LRRC37A2: variants seen among roughly 807,000 people sequenced by gnomAD.
The protein encoded by LRRC37A2 is leucine rich repeat containing 37 member A2.
A neutral mutation model predicts 68.8 loss-of-function variants in LRRC37A2; 9 were observed. That is an observed-to-expected ratio of 0.13 (90% CI 0.08 to 0.23). The LOEUF is 0.23. Among genes scored for constraint, LRRC37A2 ranks in the 10% least tolerant of loss-of-function variants. LRRC37A2 has a pLI of 1.00. For synonymous variants in LRRC37A2, 63 were observed against 367.6 expected, an observed-to-expected ratio of 0.17 and a Z score of 9.48; for missense variants, 168 against 950.4, an observed-to-expected ratio of 0.18 and a Z score of 10.82.
At chr17:46,905,813 TGC>T in the LRRC37A2 span, among the ~76,000 whole-genome samples, 10,882 of 46,448 alleles carry the variant, frequency 0.23, 901 homozygotes, top group African/African-American at 0.34. Context: ...TGTGTGTGTG[TGC>T]GTTTGTTGGG....
the LRRC37A2 span, among the ~76,000 whole-genome samples, chr17:46,897,333 T>G: frequency 6.6e-6 from 1 of 152,176 alleles, no homozygotes; most frequent in African/African-American, 2.4e-5. Flanking sequence ...CTGTCTCCAA[T>G]AGTCATTAGC....
At chr17:46,852,850 G>T in the LRRC37A2 span, among the ~76,000 whole-genome samples, 4 of 152,262 alleles carry the variant, frequency 2.6e-5, no homozygotes, top group Admixed American at 1.3e-4. Context: ...AAAGGTCTGA[G>T]AAGTTCTGCA....
chr17:46,902,374 C>T, the LRRC37A2 span, among the ~76,000 whole-genome samples: 10 of 152,084 alleles, frequency 6.6e-5, no homozygotes, highest in African/African-American at 1.4e-4. Context: ...GTCTGTGATG[C>T]GGAGGGTGCA....
At chr17:47,018,156 C>A in the LRRC37A2 span, 1 of 1,591,482 alleles carries the variant, frequency 6.3e-7, no homozygotes, top group Non-Finnish European at 8.6e-7. Flanking sequence ...TTCCCAAACC[C>A]AGCAGGAGAC....
chr17:47,017,207 G>A, the LRRC37A2 span: 1 of 1,611,926 alleles, frequency 6.2e-7, no homozygotes, highest in Non-Finnish European at 8.5e-7. Context: ...CTTCCGCTCA[G>A]TGCCCGGCAC....
At chr17:47,044,633 G>A in the LRRC37A2 span, among the ~76,000 whole-genome samples, 1 of 143,980 alleles carries the variant, frequency 6.9e-6, no homozygotes, top group Non-Finnish European at 1.5e-5. Context: ...TTATACAGGT[G>A]TTCATTATAC....
chr17:46,741,618 C>T, the LRRC37A2 span, among the ~76,000 whole-genome samples: 1 of 151,974 alleles, frequency 6.6e-6, no homozygotes, highest in African/African-American at 2.4e-5. Flanking sequence ...AAGTTACAGG[C>T]ATTTAAACAA....
At chr17:46,833,588 G>A in the LRRC37A2 span, 15 of 367,780 alleles carry the variant, frequency 4.1e-5, no homozygotes, top group South Asian at 2.4e-4. Context: ...TCAGTGTGGT[G>A]GGCAGCCCTG....
chr17:46,900,252 T>C, the LRRC37A2 span, among the ~76,000 whole-genome samples: 1 of 145,744 alleles, frequency 6.9e-6, no homozygotes, highest in African/African-American at 2.6e-5. Flanking sequence ...TATATATATG[T>C]ATATATATAT....
the LRRC37A2 span, among the ~76,000 whole-genome samples, chr17:46,492,689 GTTTTTTTTT>G: frequency 9.3e-5 from 10 of 107,834 alleles, no homozygotes; most frequent in African/African-American, 4.3e-4. Context: ...GTTTTGTTTT[GTTTTTTTTT>G]TTTTTTTTTT....
chr17:46,693,516 GAA>G, the LRRC37A2 span, among the ~76,000 whole-genome samples: 3 of 140,446 alleles, frequency 2.1e-5, no homozygotes, highest in Non-Finnish European at 3.2e-5. Flanking sequence ...ACTTCTGGGG[GAA>G]AAAAAAAAAA....
the LRRC37A2 span, among the ~76,000 whole-genome samples, chr17:47,035,844 A>T: frequency 6.6e-6 from 1 of 152,248 alleles, no homozygotes; most frequent in African/African-American, 2.4e-5. Context: ...CTCTTCTCAT[A>T]GCCATCCCAG....
chr17:46,989,289 C>T, the LRRC37A2 span, among the ~76,000 whole-genome samples: 6 of 152,222 alleles, frequency 3.9e-5, no homozygotes, highest in African/African-American at 1.2e-4. Flanking sequence ...CTACCCCCTT[C>T]GAACAGATCC....
At chr17:46,935,191 A>C in the LRRC37A2 span, 1 of 1,613,374 alleles carries the variant, frequency 6.2e-7, no homozygotes, top group South Asian at 1.1e-5. Context: ...GCTGGGGGAC[A>C]GAGAGAAGGC....
chr17:46,800,310 C>T, the LRRC37A2 span, among the ~76,000 whole-genome samples: 34 of 152,096 alleles, frequency 2.2e-4, no homozygotes, highest in Admixed American at 1.6e-3. Flanking sequence ...GGGGTTTCAC[C>T]GTGTTGGTCA....
At chr17:46,769,199 C>G in the LRRC37A2 span, among the ~76,000 whole-genome samples, 1 of 151,954 alleles carries the variant, frequency 6.6e-6, no homozygotes, top group Non-Finnish European at 1.5e-5. Context: ...GCCTGTAATC[C>G]CAGCTACTTG....
At chr17:46,936,571 A>G in the LRRC37A2 span, 25 of 985,440 alleles carry the variant, frequency 2.5e-5, no homozygotes, top group East Asian at 2.3e-4. Context: ...CAAAAGGAAC[A>G]TAGGAGAGGG....
chr17:46,867,453 G>A, the LRRC37A2 span, among the ~76,000 whole-genome samples: 460 of 152,336 alleles, frequency 3.0e-3, 3 homozygotes, highest in Middle Eastern at 6.8e-3. Context: ...ACAACCCTGA[G>A]GTCACCTCGG....
At chr17:46,850,898 C>A in the LRRC37A2 span, among the ~76,000 whole-genome samples, 1,489 of 152,300 alleles carry the variant, frequency 9.8e-3, 21 homozygotes, top group African/African-American at 0.035. Context: ...TGGGGAACAT[C>A]AGCAGCATTT....
Sources: allele counts gnomAD v4.1 joint callset (sites outside exome capture counted in the v4.1 genomes callset), GRCh38; gene constraint gnomAD v4.1.1; transcripts MANE v1.5; gene names NCBI Gene and HGNC (gene_info 2026-07-23, HGNC 2026-07-21).